Variants in RGS9 observed in about 807,000 individuals in gnomAD.
The protein encoded by RGS9 is regulator of G protein signaling 9.
In RGS9, 78 loss-of-function variants were observed where a neutral mutation model predicts 102.0. The ratio of observed to expected loss-of-function variants is 0.76; its 90% confidence interval spans 0.64 to 0.92. The LOEUF is 0.92. Among genes scored for constraint, RGS9 ranks in the 40% least tolerant of loss-of-function variants. RGS9 has a pLI of 0.00. For missense variants in RGS9, 833 were observed against 866.1 expected, an observed-to-expected ratio of 0.96 and a Z score of 0.48; for synonymous variants, 353 against 318.6, an observed-to-expected ratio of 1.11 and a Z score of -1.15.
intron 9 of RGS9, among the ~76,000 whole-genome samples, chr17:65,185,984 A>T (rs1249163103): frequency 6.6e-6 from 1 of 152,146 alleles, no homozygotes; most frequent in African/African-American, 2.4e-5. Context: ...GCCGCAGAAC[A>T]GTGGCCGACA....
chr17:65,178,469 C>A (rs1911729971), intron 9 of RGS9, among the ~76,000 whole-genome samples: 1 of 149,832 alleles, frequency 6.7e-6, no homozygotes, highest in South Asian at 2.1e-4. Context: ...CCAGATAATT[C>A]TTTTTTTTTC....
intron 9 of RGS9, among the ~76,000 whole-genome samples, chr17:65,182,698 C>G (rs77411471): frequency 3.9e-5 from 6 of 152,206 alleles, no homozygotes; most frequent in Admixed American, 3.3e-4. Context: ...GATTCAGTTA[C>G]GTGTTTCCAG....
At chr17:65,178,323 G>T (rs578189644) in intron 9 of RGS9, among the ~76,000 whole-genome samples, 1 of 151,642 alleles carries the variant, frequency 6.6e-6, no homozygotes, top group African/African-American at 2.4e-5. Context: ...CTCCAAGCAG[G>T]TTTCATTAAA....
At chr17:65,154,568 C>T (rs1277654152) in intron 2 of RGS9, among the ~76,000 whole-genome samples, 1 of 151,984 alleles carries the variant, frequency 6.6e-6, no homozygotes, top group Non-Finnish European at 1.5e-5. Context: ...TTGTTTTGCT[C>T]CACCGTTTAC....
At chr17:65,190,915 A>G (rs1385405490) in intron 11 of RGS9, among the ~76,000 whole-genome samples, 1 of 152,222 alleles carries the variant, frequency 6.6e-6, no homozygotes, top group Non-Finnish European at 1.5e-5. Context: ...ATGTATTCTG[A>G]CTGTGTAAGA....
intron 16 of RGS9, among the ~76,000 whole-genome samples, chr17:65,209,766 A>G (rs1422283428): frequency 1.3e-5 from 2 of 152,146 alleles, no homozygotes; most frequent in East Asian, 3.9e-4. Context: ...CTTCCTTCCC[A>G]GAACCATAGC....
chr17:65,144,018 G>C (rs1910259775), intron 1 of RGS9, among the ~76,000 whole-genome samples: 1 of 152,052 alleles, frequency 6.6e-6, no homozygotes, highest in Admixed American at 6.6e-5. Context: ...CGATTCCCAG[G>C]CTTTTGAATC....
At chr17:65,146,395 C>T (rs1910361597) in intron 1 of RGS9, among the ~76,000 whole-genome samples, 1 of 151,148 alleles carries the variant, frequency 6.6e-6, no homozygotes. Flanking sequence ...CAAGACCATC[C>T]TGGCAAACCT....
chr17:65,213,635 T>C (rs1365758905), intron 17 of RGS9, among the ~76,000 whole-genome samples: 2 of 152,074 alleles, frequency 1.3e-5, no homozygotes, highest in Non-Finnish European at 2.9e-5. Context: ...GATTGTGTCT[T>C]GTTCATCTTT....
At chr17:65,227,004 G>T (rs1436623130) in intron 18 of RGS9, among the ~76,000 whole-genome samples, 1 of 152,126 alleles carries the variant, frequency 6.6e-6, no homozygotes, top group East Asian at 1.9e-4. Flanking sequence ...AGGGATCCGA[G>T]CACCTCAAAA....
intron 11 of RGS9, 106 bp downstream of exon 11, chr17:65,190,342 C>A (rs1053706520): frequency 5.5e-5 from 51 of 921,374 alleles, no homozygotes; most frequent in Non-Finnish European, 8.2e-5. Context: ...GAAGATTCAG[C>A]AGAACTGTGA....
rs1911047553 is a variant in RGS9, at chr17:65,163,060, T to TGTCATTATGCAGGCC, written c.472_486dup (p.Val158_Ala162dup). On this transcript the variant is annotated inframe_insertion, in exon 7 of 19. Coordinates refer to ENST00000262406, the MANE Select transcript of RGS9 (RefSeq NM_003835.4). The stretch of plus-strand genomic sequence containing the variant: ...AAAAAATGAACTATAAGTGGGACTT[T>TGTCATTATGCAGGCC]GTCATTATGCAGGCCAAAGAGCAGT... 1 of 1,606,156 alleles carries TGTCATTATGCAGGCC rather than the reference T, an allele frequency of 6.2e-7. No individual in the cohort carries two copies. The highest frequency in any genetic ancestry group is 1.3e-5 in the African/African-American group (1 of 74,630).
intron 14 of RGS9, among the ~76,000 whole-genome samples, chr17:65,203,175 T>C (rs1485494213): frequency 1.3e-5 from 2 of 152,138 alleles, no homozygotes; most frequent in Non-Finnish European, 2.9e-5. Context: ...GAGAAAAGCT[T>C]GAGGTCTCAC....
chr17:65,225,282 C>T lies in RGS9; in HGVS notation c.1688C>T (p.Thr563Ile). ...GAGAGCAGCGAGGCCTCCCTCGACA[C>T]CTCCTGGCCTCGCAGCCGGCCCAGG... ...VTESSEASLDTSWPRSRPRAP... is the reference protein window; with the variant it reads ...VTESSEASLDISWPRSRPRAP... The change falls in exon 18 of 19, where the codon ACC (threonine) becomes ATC (isoleucine). Residue 563 changes from threonine to isoleucine, a missense_variant. Around this residue, in one of 3 missense-constraint regions of RGS9, gnomAD observed 320 missense variants for 276.8 expected, o/e 1.16. Transcript: ENST00000262406. The T allele has an allele frequency of 6.2e-7, 1 of 1,608,932 alleles. No individual in the cohort carries two copies. Among genetic ancestry groups the T allele is most frequent in the Non-Finnish European group, 8.5e-7 (1 of 1,179,930 alleles).
chr17:65,159,357 A>G (rs1910892719), intron 3 of RGS9, among the ~76,000 whole-genome samples: 3 of 152,218 alleles, frequency 2.0e-5, no homozygotes. Flanking sequence ...AAAGGCAGCA[A>G]TTTAGAAAAT....
intron 1 of RGS9, among the ~76,000 whole-genome samples, chr17:65,138,980 A>ATCCCCTCCTACATCCTAGCC (rs74213018): frequency 2.6e-5 from 1 of 37,910 alleles, no homozygotes; most frequent in African/African-American, 1.0e-4. Flanking sequence ...CCACCCCAGC[A>ATCCCCTCCTACATCCTAGCC]TCCCCTCCTC....
At chr17:65,197,820 T>C (rs9916720) in intron 13 of RGS9, among the ~76,000 whole-genome samples, 30,609 of 151,580 alleles carry the variant, frequency 0.2, 5,215 homozygotes, top group African/African-American at 0.44. Context: ...CAGGTGCCTG[T>C]CACCACACCT....
chr17:65,178,952 T>C (rs1394270759), intron 9 of RGS9, among the ~76,000 whole-genome samples: 9 of 152,184 alleles, frequency 5.9e-5, no homozygotes, highest in Admixed American at 5.9e-4. Context: ...TCTCCAGACA[T>C]TGCCCATTGT....
chr17:65,222,543 C>T (rs1230071207), intron 17 of RGS9, among the ~76,000 whole-genome samples: 2 of 152,228 alleles, frequency 1.3e-5, no homozygotes, highest in Non-Finnish European at 1.5e-5. Flanking sequence ...CCTCAATGTT[C>T]TGTTCTCTAA....
Sources: gnomAD v4.1 joint callset for allele counts (sites outside exome capture counted in the v4.1 genomes callset) on GRCh38, gnomAD v4.1.1 for gene constraint, gnomAD v4.1.1 regional missense constraint, MANE v1.5 for transcripts, NCBI Gene and HGNC (gene_info 2026-07-23, HGNC 2026-07-21) for gene names.